MAMLD1: variants seen among roughly 807,000 people sequenced by gnomAD.
MAMLD1 encodes mastermind-like domain-containing protein 1.
In MAMLD1, 14 loss-of-function variants were observed where a neutral mutation model predicts 45.0. That is an observed-to-expected ratio of 0.31 (90% CI 0.21 to 0.49). MAMLD1 has a LOEUF of 0.49. MAMLD1 is among the 20% of genes least tolerant of loss of function. The pLI is 0.99. For synonymous variants in MAMLD1, 254 were observed against 247.8 expected, an observed-to-expected ratio of 1.02 and a Z score of -0.24; for missense variants, 543 against 603.6, an observed-to-expected ratio of 0.90 and a Z score of 1.05.
chrX:150,473,889 G>A lies in MAMLD1; in HGVS notation c.2040+87G>A. ...TCCCAGAGCTGGATCAGCTGGCTCA[G>A]AGGGAGAATTCTTAATTATTGGGGT... On this transcript the variant is annotated intron_variant, in intron 5 of 7. Coordinates refer to ENST00000370401, the MANE Select transcript of MAMLD1 (RefSeq NM_005491.5). The A allele has an allele frequency of 3.0e-6, 3 of 997,852 alleles. No individual in the cohort carries two copies. In the African/African-American group the frequency reaches 5.6e-5, roughly 19 times the overall value. The allele number at this position is 997,852 out of a possible 1,213,427, so 82.2% of individuals were successfully genotyped here.
intron 5 of MAMLD1, among the ~76,000 whole-genome samples, chrX:150,484,821 A>G (rs1356372795): frequency 6.2e-5 from 7 of 112,223 alleles, no homozygotes; most frequent in Admixed American, 5.7e-4. Context: ...ATCCTTCTCC[A>G]TGCCCCACTT....
intron 1 of MAMLD1, among the ~76,000 whole-genome samples, chrX:150,377,630 T>C (rs1478000629): frequency 9.0e-6 from 1 of 111,722 alleles, no homozygotes; most frequent in Admixed American, 9.5e-5. Context: ...TAATCTTTGA[T>C]CTCAATACCT....
intron 5 of MAMLD1, among the ~76,000 whole-genome samples, chrX:150,482,438 G>T (rs1437895678): frequency 3.6e-5 from 4 of 112,395 alleles, no homozygotes; most frequent in Non-Finnish European, 7.5e-5. Context: ...GAGATGGATG[G>T]TGGTGATAGT....
intron 3 of MAMLD1, among the ~76,000 whole-genome samples, chrX:150,464,445 C>G (rs1437651432): frequency 8.9e-6 from 1 of 112,194 alleles, no homozygotes; most frequent in Non-Finnish European, 1.9e-5. Flanking sequence ...TGGAAATGCT[C>G]AAAATCCTGT....
intron 1 of MAMLD1, among the ~76,000 whole-genome samples, chrX:150,373,588 C>T (rs693913): frequency 0.48 from 53,251 of 110,446 alleles, 9,718 homozygotes; most frequent in African/African-American, 0.62. Flanking sequence ...ATTCTGCATA[C>T]GGCTGGGGAC....
In MAMLD1 at chrX:150,513,782, G is replaced by A. The variant is rs2037966712; in HGVS notation, c.*1823G>A. Reference sequence around the variant, plus strand: ...CTCAGCAATCCACCTGGAGGAGCTAGAGTATCCTCCTCCCTTTACCATTCA... The same window carrying A: ...CTCAGCAATCCACCTGGAGGAGCTAAAGTATCCTCCTCCCTTTACCATTCA... On this transcript the variant is annotated 3_prime_UTR_variant, in exon 8 of 8. Transcript: ENST00000370401. The A allele has an allele frequency of 3.4e-6, 1 of 295,873 alleles. No individual in the cohort carries two copies. The highest frequency in any genetic ancestry group is 5.9e-6 in the Non-Finnish European group (1 of 170,115). The allele number at this position is 295,873 out of a possible 1,213,427, so 24.4% of individuals were successfully genotyped here.
chrX:150,500,782 T>A (rs652747), intron 5 of MAMLD1, among the ~76,000 whole-genome samples: 2 of 108,487 alleles, frequency 1.8e-5, no homozygotes, highest in Non-Finnish European at 3.9e-5. Context: ...TACCTCACAC[T>A]TAGAGTGTGT....
chrX:150,367,591 G>A lies in MAMLD1; in HGVS notation c.-64+4061G>A, dbSNP rs193004450. Among the ~76,000 whole-genome samples, 475 of 111,536 alleles carry A rather than the reference G, an allele frequency of 4.3e-3. 1 individual carries two copies. The highest frequency in any genetic ancestry group is 5.5e-3 in the Non-Finnish European group (294 of 53,003). On this transcript the variant is annotated intron_variant, in intron 1 of 7. Transcript: ENST00000370401. ...TTTATTATTGCACTTTAAGTTCTAG[G>A]GTACATGTGCACAACGTGCAGGTTT...
chrX:150,457,903 G>A (rs149834079), intron 2 of MAMLD1, among the ~76,000 whole-genome samples: 302 of 112,024 alleles, frequency 2.7e-3, no homozygotes, highest in African/African-American at 9.1e-3. Flanking sequence ...AAATGCTACC[G>A]AATTGTACAC....
chrX:150,451,968 G>T (rs2035681314), intron 2 of MAMLD1, among the ~76,000 whole-genome samples: 1 of 111,762 alleles, frequency 8.9e-6, no homozygotes, highest in African/African-American at 3.3e-5. Flanking sequence ...CAGAGGCAGG[G>T]CTGGCATAGG....
chrX:150,467,958 A>G (rs1557406070), intron 3 of MAMLD1, among the ~76,000 whole-genome samples: 1 of 112,477 alleles, frequency 8.9e-6, no homozygotes, highest in Non-Finnish European at 1.9e-5. Context: ...CCTTCATGAG[A>G]AAAGAACTAT....
chrX:150,389,538 T>G (rs2124491202), intron 1 of MAMLD1, among the ~76,000 whole-genome samples: 1 of 112,312 alleles, frequency 8.9e-6, no homozygotes, highest in South Asian at 3.7e-4. Flanking sequence ...TTGAGGTGTG[T>G]TTTAGGGCCC....
rs782701412 is a variant in MAMLD1, at chrX:150,512,573, C to A, written c.*614C>A. 5.9e-4 allele frequency: 685 copies of A among 1,153,648 alleles called. No homozygotes were observed. The highest frequency in any genetic ancestry group is 1.2e-3 in the South Asian group (64 of 52,400). On this transcript the variant is annotated 3_prime_UTR_variant, in exon 8 of 8. Transcript: ENST00000370401. ...ACAAGTGCCCGCTGCGATGGGAACACAAGTGCCCCTGGCCAACAACCCCAG... is the reference window on the plus strand; with the variant it reads ...ACAAGTGCCCGCTGCGATGGGAACAAAAGTGCCCCTGGCCAACAACCCCAG...
intron 1 of MAMLD1, among the ~76,000 whole-genome samples, chrX:150,407,734 C>T (rs1276152490): frequency 8.9e-6 from 1 of 112,333 alleles, no homozygotes; most frequent in African/African-American, 3.2e-5. Flanking sequence ...TCTGTTTGAA[C>T]ATCAGTTTTC....
At chrX:150,504,783 G>C (rs1557408743) in intron 6 of MAMLD1, 1 of 751,099 alleles carries the variant, frequency 1.3e-6, no homozygotes, top group Non-Finnish European at 1.6e-6. Context: ...GAGCAGATTT[G>C]TGGCCCCAAA....
At chrX:150,492,933 CA>C (rs1387168577) in intron 5 of MAMLD1, among the ~76,000 whole-genome samples, 1 of 111,365 alleles carries the variant, frequency 9.0e-6, no homozygotes, top group Non-Finnish European at 1.9e-5. Flanking sequence ...CCAGGAAAAC[CA>C]GATGGGTCAG....
intron 5 of MAMLD1, among the ~76,000 whole-genome samples, chrX:150,499,980 C>T (rs1331133338): frequency 8.9e-6 from 1 of 112,183 alleles, no homozygotes; most frequent in African/African-American, 3.2e-5. Flanking sequence ...AGATTATAAT[C>T]TCCCAAGTGC....
At chrX:150,474,361 G>C (rs782435433) in intron 5 of MAMLD1, among the ~76,000 whole-genome samples, 1 of 112,715 alleles carries the variant, frequency 8.9e-6, no homozygotes, top group African/African-American at 3.2e-5. Context: ...CCTCTTAACT[G>C]TTTCCTCCTC....
chrX:150,420,415 G>A (rs1353272377), intron 1 of MAMLD1, among the ~76,000 whole-genome samples: 1 of 108,218 alleles, frequency 9.2e-6, no homozygotes, highest in East Asian at 2.9e-4. Flanking sequence ...TAATTTGATC[G>A]TCTAAAGCCT....
Sources: allele counts gnomAD v4.1 joint callset (sites outside exome capture counted in the v4.1 genomes callset), GRCh38; gene constraint gnomAD v4.1.1; transcripts MANE v1.5; gene names NCBI Gene and HGNC (gene_info 2026-07-23, HGNC 2026-07-21).